The following ALOX5AP variants were observed in gnomAD, a reference collection of about 807,000 sequenced individuals.
ALOX5AP encodes arachidonate 5-lipoxygenase activating protein.
ALOX5AP carries 9 observed loss-of-function variants against 18.5 expected under a neutral mutation model. That is an observed-to-expected ratio of 0.49 (90% CI 0.29 to 0.85). ALOX5AP has a LOEUF of 0.85. ALOX5AP is among the 40% of genes least tolerant of loss of function. The pLI is 0.08. For synonymous variants in ALOX5AP, 81 were observed against 78.6 expected (o/e 1.03, Z -0.16); for missense variants, 172 against 202.5 (o/e 0.85, Z 0.91).
Position 30,713,860 on chromosome 13 carries a change from G to A in ALOX5AP, c.116+19G>A, listed in dbSNP as rs565966719. 703 of 1,531,642 alleles carry A rather than the reference G, an allele frequency of 4.6e-4. 6 individuals are homozygous for A. The Admixed American group carries it at 8.9e-3, about 19-fold the overall frequency. The allele number at this position is 1,531,642 out of a possible 1,614,324, so 94.9% of individuals were successfully genotyped here. On this transcript the variant is annotated intron_variant, in intron 1 of 5. Coordinates refer to the ALOX5AP transcript ENST00000617770. ...AGTGCTGGTGTGTGTGTGTGTGCGC[G>A]CACACGCGCATGTGTGTGCATCTTC...
intron 4 of ALOX5AP, among the ~76,000 whole-genome samples, chr13:30,763,150 T>C (rs1472535499): frequency 1.3e-5 from 2 of 152,112 alleles, no homozygotes; most frequent in African/African-American, 2.4e-5. Context: ...TCTACTAAAA[T>C]ACAAAAAGTT....
intron 1 of ALOX5AP, among the ~76,000 whole-genome samples, chr13:30,719,543 T>A (rs887471480): frequency 6.6e-6 from 1 of 152,260 alleles, no homozygotes; most frequent in African/African-American, 2.4e-5. Context: ...GGTATAGATT[T>A]CAGAGAACTA....
At chr13:30,745,108 C>G (rs1249223824) in intron 2 of ALOX5AP, among the ~76,000 whole-genome samples, 2 of 152,214 alleles carry the variant, frequency 1.3e-5, no homozygotes, top group African/African-American at 4.8e-5. Context: ...GGGAGGGTCC[C>G]CTTCAGGGGT....
Position 30,744,322 on chromosome 13 carries a change from C to T in ALOX5AP, c.170+163C>T. The T allele has an allele frequency of 8.3e-6, 5 of 605,056 alleles. No homozygotes were observed. In the South Asian group the frequency reaches 9.5e-5, roughly 11 times the overall value. 37.5% of individuals were successfully genotyped at this position (605,056 alleles called of 1,614,324 possible). The stretch of plus-strand genomic sequence containing the variant: ...CTTCACCAGAGAGGCTTTGTGGACA[C>T]CCTTTATCATCTTAGTGAGTGCTAG... On this transcript the variant is annotated intron_variant, in intron 2 of 4. Coordinates refer to ENST00000380490, the MANE Select transcript of ALOX5AP (RefSeq NM_001629.4).
At position 30,763,984 on chromosome 13, in the gene ALOX5AP, C is replaced by A. The variant is rs200791383; in HGVS notation, c.364C>A (p.Leu122Met). ...YIFGKRIILFLFLMSVAGIFN... is the reference protein window; with the variant it reads ...YIFGKRIILFMFLMSVAGIFN... ...ATTTGGGAAACGCATCATACTCTTC[C>A]TGTTCCTCATGTCCGTTGCTGGCAT... The change falls in exon 5 of 5, where the codon CTG becomes ATG. Residue 122 changes from leucine to methionine, a missense_variant. Physicochemically the swap from Leu to Met is conservative, Grantham distance 15. Coordinates refer to ENST00000380490, the MANE Select transcript of ALOX5AP (RefSeq NM_001629.4). 3.7e-6 allele frequency: 6 copies of A among 1,614,186 alleles called. No homozygotes were observed. The highest frequency in any genetic ancestry group is 5.1e-6 in the Non-Finnish European group (6 of 1,180,044).
Position 30,762,036 on chromosome 13 carries a change from G to A in ALOX5AP, c.324-1908G>A, listed in dbSNP as rs374155150. On this transcript the variant is annotated intron_variant, in intron 4 of 4. Transcript: ENST00000380490. ...TATCTCATGAACATGACTGTGAACAGGAAAACAGGGAGAGAATGAAGCTGG... is the reference window on the plus strand; with the variant it reads ...TATCTCATGAACATGACTGTGAACAAGAAAACAGGGAGAGAATGAAGCTGG... Among the ~76,000 whole-genome samples the A allele has an allele frequency of 5.3e-5, 8 of 152,308 alleles. No homozygotes were observed. The East Asian group carries it at 1.4e-3, about 26-fold the overall frequency.
chr13:30,758,734 G>A (rs1046293463), intron 4 of ALOX5AP, among the ~76,000 whole-genome samples: 3 of 152,112 alleles, frequency 2.0e-5, no homozygotes, highest in African/African-American at 7.2e-5. Flanking sequence ...AGTGAAGGAT[G>A]AATCTTGGTT....
chr13:30,743,948 G>A (rs1951787709), intron 1 of ALOX5AP, 112 bp from the exon 2 acceptor site: 1 of 786,710 alleles, frequency 1.3e-6, no homozygotes, highest in Admixed American at 2.1e-5. Context: ...GGACATTTAG[G>A]GTTGCTTGGA....
At chr13:30,760,610 C>A (rs1413880000) in intron 4 of ALOX5AP, among the ~76,000 whole-genome samples, 1 of 152,250 alleles carries the variant, frequency 6.6e-6, no homozygotes, top group Non-Finnish European at 1.5e-5. Flanking sequence ...CTTTGCCCTG[C>A]AGTGCAAAGC....
chr13:30,714,880 C>A (rs138665430), intron 1 of ALOX5AP, among the ~76,000 whole-genome samples: 1 of 152,180 alleles, frequency 6.6e-6, no homozygotes, highest in Non-Finnish European at 1.5e-5. Context: ...CGGGCAACTC[C>A]GTTCCTGGCA....
intron 4 of ALOX5AP, among the ~76,000 whole-genome samples, chr13:30,760,274 T>G (rs1593446638): frequency 4.5e-5 from 6 of 131,928 alleles, no homozygotes; most frequent in East Asian, 2.7e-4. Flanking sequence ...GGAGGGGGGG[T>G]GACTGGCGGG....
chr13:30,726,157 A>G (rs957244173), intron 1 of ALOX5AP, among the ~76,000 whole-genome samples: 10 of 152,158 alleles, frequency 6.6e-5, no homozygotes, highest in African/African-American at 2.2e-4. Flanking sequence ...ATCAGGGAAT[A>G]CAATGGTGGT....
At chr13:30,741,003 G>C (rs956672057) in intron 1 of ALOX5AP, among the ~76,000 whole-genome samples, 1 of 148,844 alleles carries the variant, frequency 6.7e-6, no homozygotes, top group African/African-American at 2.5e-5. Context: ...TGGGGGATTA[G>C]TTCTATGACC....
chr13:30,713,843 TGTGTGTGTGTGTGCGCGCACACGCGC>T (rs1350332099), intron 1 of ALOX5AP: 1 of 1,391,340 alleles, frequency 7.2e-7, no homozygotes, highest in Non-Finnish European at 9.3e-7. Flanking sequence ...TCAGTGCTGG[TGTGTGTGTGTGTGCGCGCACACGCGC>T]ATGTGTGTGC....
At chr13:30,755,912 A>C in intron 3 of ALOX5AP, 32 bp from the exon 4 acceptor site, 1 of 1,609,432 alleles carries the variant, frequency 6.2e-7, no homozygotes, top group African/African-American at 1.3e-5. Flanking sequence ...TGGCTACGAA[A>C]CTGACACAGG....
intron 1 of ALOX5AP, among the ~76,000 whole-genome samples, chr13:30,737,714 C>T (rs1451364076): frequency 1.3e-5 from 2 of 152,070 alleles, no homozygotes; most frequent in African/African-American, 4.8e-5. Flanking sequence ...TCACAGCTGC[C>T]CCTTAGGAGC....
intron 4 of ALOX5AP, among the ~76,000 whole-genome samples, chr13:30,761,190 G>A (rs891632797): frequency 1.3e-5 from 2 of 152,178 alleles, no homozygotes; most frequent in African/African-American, 4.8e-5. Flanking sequence ...GCAGGAGGCT[G>A]AGCTCTTATC....
chr13:30,714,770 C>A (rs1235681793), intron 1 of ALOX5AP, among the ~76,000 whole-genome samples: 1 of 152,220 alleles, frequency 6.6e-6, no homozygotes, highest in African/African-American at 2.4e-5. Context: ...TAAGCTTACG[C>A]CGTCACACCC....
chr13:30,744,418 A>C (rs1951792259), intron 2 of ALOX5AP: 1 of 371,900 alleles, frequency 2.7e-6, no homozygotes, highest in Non-Finnish European at 5.1e-6. Flanking sequence ...AGCTTCAGAA[A>C]GATCTGAAAG....
Sources: gnomAD v4.1 joint callset for allele counts (sites outside exome capture counted in the v4.1 genomes callset) on GRCh38, gnomAD v4.1.1 for gene constraint, MANE v1.5 for transcripts, NCBI Gene and HGNC (gene_info 2026-07-23, HGNC 2026-07-21) for gene names.